WDR11: variants seen among roughly 807,000 people sequenced by gnomAD.
WDR11 encodes WD repeat domain 11, also known as WD repeat-containing protein 11.
Under a neutral mutation model 151.2 loss-of-function variants are expected in WDR11, and 83 were observed. That is an observed-to-expected ratio of 0.55 (90% CI 0.46 to 0.66). WDR11 has a LOEUF of 0.66. WDR11 is among the 30% of genes least tolerant of loss of function. WDR11 has a pLI of 0.00. For synonymous variants in WDR11, 484 were observed against 533.1 expected, an observed-to-expected ratio of 0.91 and a Z score of 1.27; for missense variants, 1,301 against 1,480.9, an observed-to-expected ratio of 0.88 and a Z score of 1.99.
At chr10:120,880,674 AAAACAG>A in intron 12 of WDR11, 146 bp from the exon 13 acceptor site, 1 of 745,432 alleles carries the variant, frequency 1.3e-6, no homozygotes, top group South Asian at 1.7e-5. Context: ...AAAACCCGAA[AAAACAG>A]AAACAGATTA....
At chr10:120,863,771 G>T (rs904859531) in intron 5 of WDR11, among the ~76,000 whole-genome samples, 1 of 152,042 alleles carries the variant, frequency 6.6e-6, no homozygotes, top group Non-Finnish European at 1.5e-5. Context: ...TGAAAAATAT[G>T]TGGTAAAAAT....
At chr10:120,882,545 T>G (rs1264336773) in intron 13 of WDR11, among the ~76,000 whole-genome samples, 1 of 59,498 alleles carries the variant, frequency 1.7e-5, no homozygotes. Flanking sequence ...TTCAGTTTTG[T>G]TTTTTTTTTT....
At chr10:120,885,765 G>C (rs769151460) in intron 14 of WDR11, 49 bp from the exon 15 acceptor site, 12 of 1,610,444 alleles carry the variant, frequency 7.5e-6, no homozygotes, top group Non-Finnish European at 1.0e-5. Flanking sequence ...ACGATTCTTT[G>C]ACAGAAGGAA....
chr10:120,901,143 A>G, intron 21 of WDR11, 45 bp downstream of exon 21: 1 of 1,472,386 alleles, frequency 6.8e-7, no homozygotes, highest in African/African-American at 1.4e-5. Context: ...ATGAGAAAGA[A>G]AAATGCAATT....
In WDR11 at chr10:120,892,514, A is replaced by G. The variant is rs17101076; in HGVS notation, c.2515+1627A>G. Among the ~76,000 whole-genome samples, 459 of 152,330 alleles carry G rather than the reference A, an allele frequency of 3.0e-3. 1 individual carries two copies. Among genetic ancestry groups the G allele is most frequent in the African/African-American group, 7.3e-3 (305 of 41,584 alleles). ...CATCTGTGTGTTCACCTCCAGATTC[A>G]TGGCCGATTTGGTCTTGAGGAAAAA... On this transcript the variant is annotated intron_variant, in intron 19 of 28. Coordinates refer to ENST00000263461, the MANE Select transcript of WDR11 (RefSeq NM_018117.12).
chr10:120,906,304 G>T (rs756419785), intron 27 of WDR11: 394 of 1,305,388 alleles, frequency 3.0e-4, no homozygotes, highest in Non-Finnish European at 3.7e-4. Flanking sequence ...GGTCCATTCA[G>T]CTTTGACTAG....
chr10:120,906,533 T>G (rs1848053373), intron 27 of WDR11: 1 of 1,368,328 alleles, frequency 7.3e-7, no homozygotes, highest in African/African-American at 1.5e-5. Context: ...TCTCTGTAGA[T>G]TTTTGTGTAT....
chr10:120,901,777 GTCTT>G (rs1391021711), intron 21 of WDR11, among the ~76,000 whole-genome samples: 3 of 152,166 alleles, frequency 2.0e-5, no homozygotes, highest in Non-Finnish European at 4.4e-5. Flanking sequence ...TTTAAAGAAT[GTCTT>G]CCTTTCTGAT....
At chr10:120,873,564 A>G (rs1846623830) in intron 10 of WDR11, among the ~76,000 whole-genome samples, 1 of 152,164 alleles carries the variant, frequency 6.6e-6, no homozygotes, top group South Asian at 2.1e-4. Flanking sequence ...TTCAAATTGT[A>G]TGTGTATTAA....
rs1466465315 is a variant in WDR11 at position 120,874,189 on chromosome 10, TTTTG to T, written c.1556+269_1556+272del. Among the ~76,000 whole-genome samples, 216 of 101,188 alleles carry T rather than the reference TTTTG, an allele frequency of 2.1e-3. 2 individuals carry two copies. The highest frequency in any genetic ancestry group is 7.6e-3 in the South Asian group (22 of 2,912). 66.4% of individuals were successfully genotyped at this position (101,188 alleles called of 152,430 possible). A position where few individuals can be genotyped will look rare whatever the true frequency, so the allele number is the denominator to read the frequency against. Reference sequence around the variant, plus strand: ...GCGGTTTTTGCAGTTTTTTTTTTTTTTTTGTTGTTGTTGTTGTTGTTTGTTTTGT... The same window carrying T: ...GCGGTTTTTGCAGTTTTTTTTTTTTTTTGTTGTTGTTGTTGTTTGTTTTGT... On this transcript the variant is annotated intron_variant, in intron 11 of 28. Transcript: ENST00000263461.
intron 27 of WDR11, chr10:120,906,335 G>A (rs1453124169): frequency 7.9e-7 from 1 of 1,271,722 alleles, no homozygotes; most frequent in African/African-American, 1.5e-5. Flanking sequence ...AGGAGGCCCA[G>A]AGAGCAGGGG....
intron 13 of WDR11, among the ~76,000 whole-genome samples, chr10:120,883,558 T>C (rs898305433): frequency 1.3e-5 from 2 of 152,152 alleles, no homozygotes; most frequent in Admixed American, 1.3e-4. Flanking sequence ...TTCTTCCAAG[T>C]TGGACTCCTT....
At chr10:120,867,987 T>C (rs1232552433) in intron 9 of WDR11, among the ~76,000 whole-genome samples, 1 of 152,238 alleles carries the variant, frequency 6.6e-6, no homozygotes, top group Admixed American at 6.5e-5. Context: ...CTTGAAATTA[T>C]AAGGCTTTGT....
chr10:120,889,756 G>T, intron 17 of WDR11, 139 bp from the exon 18 acceptor site: 1 of 704,262 alleles, frequency 1.4e-6, no homozygotes. Context: ...GTCAGATGTG[G>T]CCCCCAGTCC....
rs574539619 is a variant in WDR11 at position 120,860,839 on chromosome 10, T to C, written c.526+557T>C. On this transcript the variant is annotated intron_variant, in intron 4 of 28. Coordinates refer to ENST00000263461, the MANE Select transcript of WDR11 (RefSeq NM_018117.12). ...TGCTTTAGGTATTTTTGTGGCTAAA[T>C]TGTTTAGAAACTATTTAATCATCCA... 2.6e-5 allele frequency among the ~76,000 whole-genome samples: 4 copies of C among 152,346 alleles called. No homozygotes were observed. In the South Asian group the frequency reaches 8.3e-4, roughly 32 times the overall value.
chr10:120,857,147 G>T (rs1845976274), intron 2 of WDR11, among the ~76,000 whole-genome samples: 3 of 152,150 alleles, frequency 2.0e-5, no homozygotes, highest in African/African-American at 7.2e-5. Context: ...ACGGTAGGCA[G>T]TATGCTTGGG....
intron 5 of WDR11, among the ~76,000 whole-genome samples, chr10:120,864,000 T>C (rs191027299): frequency 2.0e-5 from 3 of 152,318 alleles, no homozygotes; most frequent in African/African-American, 7.2e-5. Flanking sequence ...TTATAAGTTA[T>C]GTTTTATATT....
intron 4 of WDR11, among the ~76,000 whole-genome samples, chr10:120,861,243 G>A (rs909672486): frequency 6.6e-6 from 1 of 152,168 alleles, no homozygotes; most frequent in African/African-American, 2.4e-5. Context: ...GTGTGTGTCT[G>A]CACGTGTTAA....
Position 120,861,947 on chromosome 10 carries a change from G to A in WDR11, c.527-788G>A, listed in dbSNP as rs548780906. Reference sequence around the variant, plus strand: ...AAAGAATATTCCTTAATCATCTTAAGGTTCGATCTGATGCTTGAGAAGAAA... The same window carrying A: ...AAAGAATATTCCTTAATCATCTTAAAGTTCGATCTGATGCTTGAGAAGAAA... On this transcript the variant is annotated intron_variant, in intron 4 of 28. Transcript: ENST00000263461. 3.9e-5 allele frequency among the ~76,000 whole-genome samples: 6 copies of A among 152,132 alleles called. No individual in the cohort carries two copies. The South Asian group carries it at 1.0e-3, about 26-fold the overall frequency.
Sources: gnomAD v4.1 joint callset for allele counts (sites outside exome capture counted in the v4.1 genomes callset) on GRCh38, gnomAD v4.1.1 for gene constraint, MANE v1.5 for transcripts, NCBI Gene and HGNC (gene_info 2026-07-23, HGNC 2026-07-21) for gene names.